Variants in NUBPL observed in about 807,000 individuals in gnomAD.
NUBPL encodes iron-sulfur cluster transfer protein NUBPL.
NUBPL carries 31 observed loss-of-function variants against 45.7 expected under a neutral mutation model. That is an observed-to-expected ratio of 0.68 (90% CI 0.51 to 0.92). The LOEUF (loss-of-function observed/expected upper bound fraction) is 0.92, where lower values mean the gene tolerates loss of function less well. NUBPL is among the 40% of genes least tolerant of loss of function. The pLI is 0.00. For missense variants in NUBPL, 401 were observed against 398.7 expected, an observed-to-expected ratio of 1.01 and a Z score of -0.05; for synonymous variants, 144 against 140.9, an observed-to-expected ratio of 1.02 and a Z score of -0.15.
chr14:31,632,568 A>G (rs1044881910), intron 4 of NUBPL, among the ~76,000 whole-genome samples: 6 of 152,182 alleles, frequency 3.9e-5, no homozygotes, highest in African/African-American at 7.2e-5. Flanking sequence ...CAAGATACAC[A>G]AAGTTTGAAA....
chr14:31,621,408 G>A (rs760334823), intron 4 of NUBPL, among the ~76,000 whole-genome samples: 1 of 152,196 alleles, frequency 6.6e-6, no homozygotes, highest in Non-Finnish European at 1.5e-5. Flanking sequence ...CAGGGCCCTG[G>A]TGGCATACAT....
chr14:31,757,581 C>A (rs570062931), intron 6 of NUBPL, among the ~76,000 whole-genome samples: 1 of 151,844 alleles, frequency 6.6e-6, no homozygotes, highest in Non-Finnish European at 1.5e-5. Context: ...AGTTACGTTG[C>A]TAAAATACAT....
intron 6 of NUBPL, among the ~76,000 whole-genome samples, chr14:31,768,316 C>T (rs1359880120): frequency 6.6e-6 from 1 of 152,214 alleles, no homozygotes; most frequent in Non-Finnish European, 1.5e-5. Context: ...CAGGATAGCT[C>T]TCTTTTAGCC....
intron 7 of NUBPL, among the ~76,000 whole-genome samples, chr14:31,824,844 A>G (rs934880198): frequency 1.6e-4 from 25 of 152,122 alleles, no homozygotes; most frequent in Admixed American, 2.0e-4. Context: ...TTGTCACAGC[A>G]TTCTGTATTT....
At chr14:31,730,891 T>A (rs545601582) in intron 6 of NUBPL, among the ~76,000 whole-genome samples, 6 of 152,062 alleles carry the variant, frequency 3.9e-5, no homozygotes, top group African/African-American at 1.4e-4. Context: ...ATTTTTTTTT[T>A]AAACACATTA....
At position 31,787,800 on chromosome 14, in the gene NUBPL, C is replaced by T; in HGVS notation, c.534C>T (p.Asp178=). Reference sequence around the variant, plus strand: ...TTTAGGTAGATTGGGGTCAACTGGACTACTTAGTTGTAGACATGCCACCAG... The same window carrying T: ...TTTAGGTAGATTGGGGTCAACTGGATTACTTAGTTGTAGACATGCCACCAG... The part of the protein sequence containing the change: ...LLRQVDWGQL[D]YLVVDMPPGT... The change falls in exon 7 of 11, where the codon GAC becomes GAT. Residue 178 remains aspartate (D), a synonymous_variant. Transcript: ENST00000281081. 1 of 1,611,986 alleles carries T rather than the reference C, an allele frequency of 6.2e-7. No individual in the cohort carries two copies. The highest frequency in any genetic ancestry group is 8.5e-7 in the Non-Finnish European group (1 of 1,178,164).
intron 6 of NUBPL, among the ~76,000 whole-genome samples, chr14:31,683,688 A>G (rs1340589688): frequency 6.6e-6 from 1 of 152,010 alleles, no homozygotes; most frequent in Non-Finnish European, 1.5e-5. Context: ...CACACTTGCT[A>G]TTTCAGTACT....
chr14:31,785,179 T>C (rs898987657), intron 6 of NUBPL, among the ~76,000 whole-genome samples: 6 of 152,240 alleles, frequency 3.9e-5, no homozygotes, highest in Admixed American at 2.0e-4. Context: ...GAACTCTTCA[T>C]ACTTGCTATC....
intron 7 of NUBPL, among the ~76,000 whole-genome samples, chr14:31,791,407 G>T (rs1210923276): frequency 6.6e-6 from 1 of 152,040 alleles, no homozygotes; most frequent in Admixed American, 6.6e-5. Context: ...GAGAAGAAAA[G>T]GATAAGTAAG....
At chr14:31,601,852 C>A (rs1310805124) in intron 4 of NUBPL, among the ~76,000 whole-genome samples, 2 of 152,110 alleles carry the variant, frequency 1.3e-5, no homozygotes, top group African/African-American at 4.8e-5. Context: ...GGATCTAGAA[C>A]TAGAAATACC....
chr14:31,834,421 T>C lies in NUBPL; in HGVS notation c.693+7707T>C, dbSNP rs61158935. ...GTCTCGATCTCCTGACTTCATGATC[T>C]GCCCACCTTGGCCTCCCAAAGTGCT... On this transcript the variant is annotated intron_variant, in intron 8 of 10. Transcript: ENST00000281081. Among the ~76,000 whole-genome samples the C allele has an allele frequency of 8.1e-3, 1,234 of 152,152 alleles. 17 individuals carry two copies. Among genetic ancestry groups the C allele is most frequent in the African/African-American group, 0.028 (1,149 of 41,514 alleles).
At chr14:31,755,289 G>A (rs1173460976) in intron 6 of NUBPL, among the ~76,000 whole-genome samples, 6 of 151,940 alleles carry the variant, frequency 3.9e-5, no homozygotes, top group Non-Finnish European at 8.8e-5. Flanking sequence ...CTTCCACAAT[G>A]GTTGAACCAG....
At position 31,732,948 on chromosome 14, in the gene NUBPL, G is replaced by T. The variant is rs2038085463; in HGVS notation, c.514-54832G>T. 2.0e-5 allele frequency among the ~76,000 whole-genome samples: 3 copies of T among 151,954 alleles called. No homozygotes were observed. In the South Asian group the frequency reaches 6.2e-4, roughly 31 times the overall value. On this transcript the variant is annotated intron_variant, in intron 6 of 10. Coordinates refer to ENST00000281081, the MANE Select transcript of NUBPL (RefSeq NM_025152.3). The stretch of plus-strand genomic sequence containing the variant: ...TGGTTAGTACTTTTTTGGGTCCTAA[G>T]ACAACTTTGCCTATCCCAAGCGTGA...
At chr14:31,604,745 C>G (rs1460340583) in intron 4 of NUBPL, among the ~76,000 whole-genome samples, 1 of 152,238 alleles carries the variant, frequency 6.6e-6, no homozygotes, top group East Asian at 1.9e-4. Flanking sequence ...ACACATTTTG[C>G]ATTTAAGACA....
chr14:31,707,918 C>G (rs1390586316), intron 6 of NUBPL, among the ~76,000 whole-genome samples: 3 of 152,144 alleles, frequency 2.0e-5, no homozygotes, highest in Non-Finnish European at 4.4e-5. Flanking sequence ...GAGGGCTATC[C>G]TTAAACCCTT....
At chr14:31,830,036 G>A (rs1243473663) in intron 8 of NUBPL, among the ~76,000 whole-genome samples, 1 of 152,074 alleles carries the variant, frequency 6.6e-6, no homozygotes, top group African/African-American at 2.4e-5. Flanking sequence ...CCGATCTGGA[G>A]CCCTTCTCCT....
chr14:31,646,015 G>T (rs912973880), intron 4 of NUBPL, among the ~76,000 whole-genome samples: 1 of 152,072 alleles, frequency 6.6e-6, no homozygotes, highest in Non-Finnish European at 1.5e-5. Flanking sequence ...CACATTAGTG[G>T]TTTTTTCTTT....
In NUBPL at chr14:31,808,981, T is replaced by G. The variant is rs143911764; in HGVS notation, c.608-17648T>G. Among the ~76,000 whole-genome samples, 387 of 152,346 alleles carry G rather than the reference T, an allele frequency of 2.5e-3. 3 individuals carry two copies. The highest frequency in any genetic ancestry group is 8.7e-3 in the African/African-American group (363 of 41,580). On this transcript the variant is annotated intron_variant, in intron 7 of 10. Coordinates refer to ENST00000281081, the MANE Select transcript of NUBPL (RefSeq NM_025152.3). Reference sequence around the variant, plus strand: ...AGGGATGAATCCAACTTGATCATGGTGGATAAGCTTTTTGATGTGCTGCTG... The same window carrying G: ...AGGGATGAATCCAACTTGATCATGGGGGATAAGCTTTTTGATGTGCTGCTG...
chr14:31,760,144 T>TGTGTGAGAGAGAGAGA, intron 6 of NUBPL, among the ~76,000 whole-genome samples: 1 of 34,830 alleles, frequency 2.9e-5, no homozygotes, highest in Non-Finnish European at 5.4e-5. Context: ...TGTGTGTGTG[T>TGTGTGAGAGAGAGAGA]GAGAGAGAGA....
Sources: gnomAD v4.1 joint callset for allele counts (sites outside exome capture counted in the v4.1 genomes callset) on GRCh38, gnomAD v4.1.1 for gene constraint, MANE v1.5 for transcripts, NCBI Gene and HGNC (gene_info 2026-07-23, HGNC 2026-07-21) for gene names.